Variants in CSMD1 observed in about 807,000 individuals in gnomAD.
The protein encoded by CSMD1 is CUB and Sushi multiple domains 1.
A neutral mutation model predicts 417.5 loss-of-function variants in CSMD1; 213 were observed. The observed-to-expected ratio is 0.51, with a 90% CI of 0.46 to 0.57. CSMD1 has a LOEUF of 0.57. Among genes scored for constraint, CSMD1 ranks in the 20% least tolerant of loss-of-function variants. The pLI, the probability that CSMD1 is intolerant of heterozygous loss-of-function variation, is 0.00. For missense variants in CSMD1, 6,923 were observed against 4,529.7 expected, an observed-to-expected ratio of 1.53 and a Z score of -15.17; for synonymous variants, 2,862 against 1,736.8, an observed-to-expected ratio of 1.65 and a Z score of -16.11.
chr8:3,534,380 C>T (rs1213982252), intron 10 of CSMD1, among the ~76,000 whole-genome samples: 4 of 152,092 alleles, frequency 2.6e-5, no homozygotes, highest in Non-Finnish European at 4.4e-5. Context: ...TTCAGGATTG[C>T]TTTGTAGACT....
intron 17 of CSMD1, 116 bp from the exon 18 acceptor site, chr8:3,387,798 T>A (rs190576708): frequency 2.4e-6 from 2 of 837,702 alleles, no homozygotes; most frequent in African/African-American, 3.4e-5. Flanking sequence ...TGAAACATTA[T>A]GCAAGTGAAC....
chr8:3,587,163 G>A (rs1310439042), intron 8 of CSMD1, among the ~76,000 whole-genome samples: 27 of 152,204 alleles, frequency 1.8e-4, no homozygotes, highest in Non-Finnish European at 5.9e-5. Flanking sequence ...TGGCTCCAGA[G>A]CTGCATTTGC....
chr8:4,429,549 G>A (rs922260668), intron 2 of CSMD1, among the ~76,000 whole-genome samples: 1 of 152,156 alleles, frequency 6.6e-6, no homozygotes, highest in Non-Finnish European at 1.5e-5. Flanking sequence ...AAAAGCGTGA[G>A]ACTCATTACA....
chr8:4,778,627 G>T (rs908932642), intron 1 of CSMD1, among the ~76,000 whole-genome samples: 1 of 152,124 alleles, frequency 6.6e-6, no homozygotes, highest in Non-Finnish European at 1.5e-5. Context: ...TACCACTATT[G>T]ACCCTCTGAC....
chr8:4,728,018 TA>T lies in CSMD1; in HGVS notation c.86-90461del, dbSNP rs1335557813. Among the ~76,000 whole-genome samples, 178 of 146,492 alleles carry T rather than the reference TA, an allele frequency of 1.2e-3. 2 individuals are homozygous for T. Among genetic ancestry groups the T allele is most frequent in the African/African-American group, 4.3e-3 (175 of 40,538 alleles). Reference sequence around the variant, plus strand: ...TATATATTTATATACAAAATATATATATATTTTTTCTATTTTTTTGGTTTAT... The same window carrying T: ...TATATATTTATATACAAAATATATATTATTTTTTCTATTTTTTTGGTTTAT... On this transcript the variant is annotated intron_variant, in intron 1 of 69. Transcript: ENST00000635120.
chr8:4,373,074 T>A (rs1487026915), intron 3 of CSMD1, among the ~76,000 whole-genome samples: 2 of 152,190 alleles, frequency 1.3e-5, no homozygotes, highest in African/African-American at 2.4e-5. Context: ...GAAGACAGTT[T>A]ACCTGTGTGG....
At chr8:3,459,736 C>G (rs1036367140) in intron 12 of CSMD1, among the ~76,000 whole-genome samples, 1 of 152,010 alleles carries the variant, frequency 6.6e-6, no homozygotes, top group Non-Finnish European at 1.5e-5. Flanking sequence ...CCCAAGCACT[C>G]AAGAATGAGG....
chr8:4,932,065 A>G (rs1444663773), intron 1 of CSMD1, among the ~76,000 whole-genome samples: 1 of 151,674 alleles, frequency 6.6e-6, no homozygotes, highest in Non-Finnish European at 1.5e-5. Context: ...GGTATATATT[A>G]AACAATAGCA....
intron 3 of CSMD1, among the ~76,000 whole-genome samples, chr8:4,250,274 A>G (rs1176558276): frequency 6.6e-6 from 1 of 152,196 alleles, no homozygotes; most frequent in Non-Finnish European, 1.5e-5. Context: ...CTCTCTAGTG[A>G]TATAAATAGC....
At chr8:3,520,740 T>A (rs1341626667) in intron 10 of CSMD1, among the ~76,000 whole-genome samples, 1 of 151,952 alleles carries the variant, frequency 6.6e-6, no homozygotes, top group Non-Finnish European at 1.5e-5. Flanking sequence ...TGTGTGTATA[T>A]CCTACAATGA....
At chr8:4,800,373 G>C (rs1223071367) in intron 1 of CSMD1, among the ~76,000 whole-genome samples, 1 of 150,474 alleles carries the variant, frequency 6.6e-6, no homozygotes, top group African/African-American at 2.5e-5. Flanking sequence ...GGAGGTTGCA[G>C]TGAGCTGAGA....
chr8:4,838,266 G>C (rs1043263773), intron 1 of CSMD1, among the ~76,000 whole-genome samples: 6 of 152,204 alleles, frequency 3.9e-5, no homozygotes, highest in Admixed American at 6.5e-5. Context: ...TGAGCAAGTA[G>C]TGTCAAAGTG....
intron 54 of CSMD1, among the ~76,000 whole-genome samples, chr8:2,981,779 G>C (rs1218559238): frequency 6.6e-6 from 1 of 152,118 alleles, no homozygotes; most frequent in African/African-American, 2.4e-5. Context: ...AATTAATACC[G>C]GGATCAATAA....
intron 3 of CSMD1, among the ~76,000 whole-genome samples, chr8:4,199,828 A>T (rs896136398): frequency 6.6e-6 from 1 of 152,194 alleles, no homozygotes; most frequent in African/African-American, 2.4e-5. Context: ...TCCACTAGAT[A>T]ACAGCAGCAA....
chr8:4,349,324 C>T (rs150304779), intron 3 of CSMD1, among the ~76,000 whole-genome samples: 3 of 152,176 alleles, frequency 2.0e-5, no homozygotes, highest in Non-Finnish European at 4.4e-5. Flanking sequence ...AAGACCTCCA[C>T]AGAATTGAGT....
chr8:3,494,668 G>C (rs1796292876), intron 10 of CSMD1, among the ~76,000 whole-genome samples: 2 of 144,008 alleles, frequency 1.4e-5, no homozygotes, highest in Middle Eastern at 3.5e-3. Flanking sequence ...AAAAATGACA[G>C]ACGATACACA....
chr8:3,673,835 G>C (rs1288212232), intron 7 of CSMD1, among the ~76,000 whole-genome samples: 2 of 152,164 alleles, frequency 1.3e-5, no homozygotes, highest in Non-Finnish European at 2.9e-5. Flanking sequence ...ACTCTCTGGA[G>C]GGCCAGGCAT....
chr8:3,242,072 A>G (rs34994618), intron 26 of CSMD1, among the ~76,000 whole-genome samples: 78,692 of 112,916 alleles, frequency 0.7, 28,452 homozygotes, highest in Non-Finnish European at 0.77. Context: ...AAAAGAGCCT[A>G]AACACTATCT....
intron 2 of CSMD1, among the ~76,000 whole-genome samples, chr8:4,592,436 G>C (rs891172083): frequency 1.3e-5 from 2 of 151,794 alleles, no homozygotes; most frequent in African/African-American, 4.8e-5. Flanking sequence ...TCCCAGGCTG[G>C]AGTGCAGTGG....
Sources: allele counts gnomAD v4.1 joint callset (sites outside exome capture counted in the v4.1 genomes callset), GRCh38; gene constraint gnomAD v4.1.1; transcripts MANE v1.5; gene names NCBI Gene and HGNC (gene_info 2026-07-23, HGNC 2026-07-21).